The following PPM1L variants were observed in gnomAD, a reference collection of about 807,000 sequenced individuals.
PPM1L encodes protein phosphatase 1L.
PPM1L carries 13 observed loss-of-function variants against 31.4 expected under a neutral mutation model. The ratio of observed to expected loss-of-function variants is 0.41; its 90% confidence interval spans 0.27 to 0.66. The LOEUF (loss-of-function observed/expected upper bound fraction) is 0.66. Among genes scored for constraint, PPM1L ranks in the 30% least tolerant of loss-of-function variants. The pLI, the probability that PPM1L is intolerant of heterozygous loss-of-function variation, is 0.29. For synonymous variants in PPM1L, 184 were observed against 175.4 expected (o/e 1.05, Z -0.39); for missense variants, 326 against 453.7 (o/e 0.72, Z 2.56).
chr3:160,957,999 TA>T (rs1383680680), intron 1 of PPM1L, among the ~76,000 whole-genome samples: 2 of 152,200 alleles, frequency 1.3e-5, no homozygotes, highest in African/African-American at 4.8e-5. Context: ...CCCACTTTTT[TA>T]TGGGGTTGTC....
intron 1 of PPM1L, among the ~76,000 whole-genome samples, chr3:160,879,695 G>GT (rs932553711): frequency 6.6e-6 from 1 of 152,176 alleles, no homozygotes; most frequent in African/African-American, 2.4e-5. Flanking sequence ...AATCAAATCA[G>GT]AATCCCAGGG....
chr3:160,855,420 C>T lies in PPM1L; in HGVS notation c.399+98713C>T, dbSNP rs1401117965. Among the ~76,000 whole-genome samples the T allele has an allele frequency of 3.9e-5, 6 of 152,160 alleles. No individual in the cohort carries two copies. The South Asian group carries it at 1.0e-3, about 26-fold the overall frequency. On this transcript the variant is annotated intron_variant, in intron 1 of 3. Coordinates refer to ENST00000498165, the MANE Select transcript of PPM1L (RefSeq NM_139245.4). ...AACTCTGCACAGTGAAAGAAACTAT[C>T]CATAGAGTAAACCAACAGCCCACAG...
chr3:161,076,052 G>T lies in PPM1L; in HGVS notation c.*6895G>T, dbSNP rs1380332111. On this transcript the variant is annotated 3_prime_UTR_variant, in exon 4 of 4. Transcript: ENST00000498165. ...GAATACTAGTGAGTACTCAATTTACGACAGACAATTTCACAAAAACCAACC... is the reference window on the plus strand; with the variant it reads ...GAATACTAGTGAGTACTCAATTTACTACAGACAATTTCACAAAAACCAACC... 3.3e-5 allele frequency: 5 copies of T among 152,136 alleles called. No individual in the cohort carries two copies. The highest frequency in any genetic ancestry group is 9.7e-5 in the African/African-American group (4 of 41,420). The allele number at this position is 152,136 out of a possible 1,614,324, so 9.4% of individuals were successfully genotyped here.
At chr3:160,989,147 G>A (rs1161568808) in intron 2 of PPM1L, among the ~76,000 whole-genome samples, 1 of 152,124 alleles carries the variant, frequency 6.6e-6, no homozygotes. Flanking sequence ...TCATGCTAAA[G>A]CCCTGCGTTT....
intron 1 of PPM1L, chr3:160,939,553 T>C (rs1222753331): frequency 6.6e-6 from 1 of 152,284 alleles, no homozygotes; most frequent in African/African-American, 2.4e-5. Context: ...GGGCCCTGTC[T>C]TTCTCATGCT....
intron 1 of PPM1L, among the ~76,000 whole-genome samples, chr3:160,866,438 G>A (rs536296759): frequency 2.6e-5 from 4 of 152,106 alleles, no homozygotes; most frequent in African/African-American, 9.7e-5. Flanking sequence ...CATGTCCCTT[G>A]TACATTTTAT....
intron 1 of PPM1L, among the ~76,000 whole-genome samples, chr3:160,835,036 A>ACTTCTTCTTCTTCTTCTTCTTCTT (rs1491239346): frequency 2.1e-4 from 15 of 71,990 alleles, no homozygotes; most frequent in Non-Finnish European, 3.3e-4. Flanking sequence ...TATTACTACT[A>ACTTCTTCTTCTTCTTCTTCTTCTT]CTACTTCTTC....
At chr3:160,922,594 T>A (rs1173776343) in intron 1 of PPM1L, among the ~76,000 whole-genome samples, 1 of 152,220 alleles carries the variant, frequency 6.6e-6, no homozygotes, top group Admixed American at 6.5e-5. Flanking sequence ...TGGCATCTTA[T>A]ATTCTTTCAT....
chr3:160,951,192 TG>T (rs1715566878), intron 1 of PPM1L, among the ~76,000 whole-genome samples: 4 of 152,360 alleles, frequency 2.6e-5, no homozygotes, highest in Admixed American at 2.6e-4. Context: ...GACATTAGGC[TG>T]TTTTTATGTT....
At chr3:160,801,835 TG>T (rs1712435870) in intron 1 of PPM1L, among the ~76,000 whole-genome samples, 1 of 152,208 alleles carries the variant, frequency 6.6e-6, no homozygotes, top group African/African-American at 2.4e-5. Context: ...AGATTATATA[TG>T]TTGTATAGGT....
intron 1 of PPM1L, among the ~76,000 whole-genome samples, chr3:160,831,930 T>C (rs914744427): frequency 1.3e-5 from 2 of 152,226 alleles, no homozygotes; most frequent in African/African-American, 4.8e-5. Flanking sequence ...AGGTACCCTG[T>C]ATTGTTCTAC....
At chr3:160,927,371 A>G (rs1290180189) in intron 1 of PPM1L, among the ~76,000 whole-genome samples, 1 of 152,200 alleles carries the variant, frequency 6.6e-6, no homozygotes, top group Non-Finnish European at 1.5e-5. Flanking sequence ...AATAGGGAGC[A>G]ATCATAAAAT....
chr3:160,920,156 T>A (rs1714337371), intron 1 of PPM1L, among the ~76,000 whole-genome samples: 1 of 152,154 alleles, frequency 6.6e-6, no homozygotes, highest in Non-Finnish European at 1.5e-5. Flanking sequence ...ACAGCTCTTG[T>A]CTCTGCAGGC....
In PPM1L at chr3:160,960,557, T is replaced by A. The variant is rs557111016; in HGVS notation, c.400-1179T>A. 3.9e-3 allele frequency among the ~76,000 whole-genome samples: 353 copies of A among 91,204 alleles called. 2 individuals are homozygous for A. The highest frequency in any genetic ancestry group is 0.016 in the African/African-American group (317 of 19,778). 59.8% of individuals were successfully genotyped at this position (91,204 alleles called of 152,430 possible). On this transcript the variant is annotated intron_variant, in intron 1 of 3. Transcript: ENST00000498165. ...GTTTGTTTGTTCGTTTTTTAGCAGT[T>A]TTGTGTGTGTGTGTGTGTGTGTGTG...
chr3:161,013,742 G>A (rs1294505389), intron 2 of PPM1L, among the ~76,000 whole-genome samples: 2 of 152,114 alleles, frequency 1.3e-5, no homozygotes, highest in African/African-American at 4.8e-5. Context: ...GGATAGTTCG[G>A]TCTTCTTGTT....
At chr3:161,058,740 G>A (rs1430986230) in intron 2 of PPM1L, among the ~76,000 whole-genome samples, 1 of 152,166 alleles carries the variant, frequency 6.6e-6, no homozygotes, top group East Asian at 1.9e-4. Flanking sequence ...ATGTTTGTGA[G>A]CCACTTAGTA....
At chr3:160,878,252 A>G (rs144530366) in intron 1 of PPM1L, among the ~76,000 whole-genome samples, 12 of 152,308 alleles carry the variant, frequency 7.9e-5, no homozygotes, top group African/African-American at 2.6e-4. Context: ...TCAGAGCTCT[A>G]CTGAGAAGGC....
At chr3:160,957,956 G>T (rs1715835434) in intron 1 of PPM1L, among the ~76,000 whole-genome samples, 1 of 152,108 alleles carries the variant, frequency 6.6e-6, no homozygotes, top group Admixed American at 6.6e-5. Context: ...GCATGTATGT[G>T]TTCTTTTGAA....
chr3:161,006,019 A>G (rs1275525413), intron 2 of PPM1L, among the ~76,000 whole-genome samples: 2 of 152,200 alleles, frequency 1.3e-5, no homozygotes, highest in African/African-American at 2.4e-5. Context: ...TAAAAATAAC[A>G]TAAACAAAAA....
Sources: gnomAD v4.1 joint callset for allele counts (sites outside exome capture counted in the v4.1 genomes callset) on GRCh38, gnomAD v4.1.1 for gene constraint, MANE v1.5 for transcripts, NCBI Gene and HGNC (gene_info 2026-07-23, HGNC 2026-07-21) for gene names.